The following CBX2 variants were observed in gnomAD, a reference collection of about 807,000 sequenced individuals.
CBX2 encodes chromobox protein homolog 2.
Under a neutral mutation model 21.0 loss-of-function variants are expected in CBX2, and 11 were observed. That is an observed-to-expected ratio of 0.52 (90% CI 0.33 to 0.87). CBX2 has a LOEUF of 0.87. Ranked by LOEUF, CBX2 falls within the 40% of genes least tolerant of loss-of-function variation. The pLI is 0.02. For missense variants in CBX2, 746 were observed against 724.3 expected (o/e 1.03, Z -0.34); for synonymous variants, 364 against 304.6 (o/e 1.19, Z -2.03).
At position 79,784,653 on chromosome 17, in the gene CBX2, A is replaced by G. The variant is rs371067953; in HGVS notation, c.1210A>G (p.Met404Val). ...SGLIGASGAT[M>V]PTDTSKSEKL... The stretch of plus-strand genomic sequence containing the variant: ...CCTCATTGGGGCCAGCGGGGCCACC[A>G]TGCCCACCGACACAAGCAAAAGTGA... The change falls in exon 5 of 5, where the codon ATG becomes GTG. Residue 404 changes from methionine to valine, a missense_variant. Coordinates refer to ENST00000310942, the MANE Select transcript of CBX2 (RefSeq NM_005189.3). The surrounding 1 kb of genome is among the most constrained non-coding windows in gnomAD (Gnocchi z 5.9). The G allele has an allele frequency of 4.3e-6, 7 of 1,612,378 alleles. No individual in the cohort carries two copies. The South Asian group carries it at 5.5e-5, about 13-fold the overall frequency.
intron 3 of CBX2, 78 bp downstream of exon 3, chr17:79,779,505 C>A: frequency 7.5e-7 from 1 of 1,336,476 alleles, no homozygotes; most frequent in Non-Finnish European, 1.1e-6. Context: ...CGCTGCTCGC[C>A]TGCCGGGAGG....
intron 4 of CBX2, among the ~76,000 whole-genome samples, chr17:79,782,688 G>T: frequency 6.6e-6 from 1 of 152,140 alleles, no homozygotes; most frequent in African/African-American, 2.4e-5. Context: ...GAGCAGGATT[G>T]TGGGGGCTGC....
At position 79,786,461 on chromosome 17, in the gene CBX2, C is replaced by A. The variant is rs908657489; in HGVS notation, c.*1419C>A. 3 of 152,444 alleles carry A rather than the reference C, an allele frequency of 2.0e-5. No homozygotes were observed. Among genetic ancestry groups the A allele is most frequent in the African/African-American group, 7.3e-5 (3 of 41,274 alleles). 9.4% of individuals were successfully genotyped at this position (152,444 alleles called of 1,614,324 possible). ...GATCTGTCAGCCTCGGCCCTGAGGCCCCTGTTAACTCAAGACTGTGAGCTG... is the reference window on the plus strand; with the variant it reads ...GATCTGTCAGCCTCGGCCCTGAGGCACCTGTTAACTCAAGACTGTGAGCTG... On this transcript the variant is annotated 3_prime_UTR_variant, in exon 5 of 5. Coordinates refer to ENST00000310942, the MANE Select transcript of CBX2 (RefSeq NM_005189.3).
At position 79,785,150 on chromosome 17, in the gene CBX2, G is replaced by A. The variant is rs1555831528; in HGVS notation, c.*108G>A. ...CCCCTCAAGAGTCTGGGTCGGGGGA[G>A]GAGGAGTGGGTGGCCTCCTTGATGG... On this transcript the variant is annotated 3_prime_UTR_variant, in exon 5 of 5. Transcript: ENST00000310942. 2.1e-6 allele frequency: 2 copies of A among 964,266 alleles called. No individual in the cohort carries two copies. Among genetic ancestry groups the A allele is most frequent in the East Asian group, 2.5e-5 (1 of 39,450 alleles). 59.7% of individuals were successfully genotyped at this position (964,266 alleles called of 1,614,324 possible).
Position 79,784,899 on chromosome 17 carries a change from T to A in CBX2, c.1456T>A (p.Ser486Thr). 1.2e-6 allele frequency: 2 copies of A among 1,613,444 alleles called. No homozygotes were observed. Among genetic ancestry groups the A allele is most frequent in the Non-Finnish European group, 1.7e-6 (2 of 1,180,026 alleles). ...PPSTGQNPSV[S>T]VQTSQDWKPT... ...CAGCACTGGACAGAACCCGTCAGTG[T>A]CCGTTCAGACCAGCCAGGACTGGAA... The change falls in exon 5 of 5, where the codon TCC becomes ACC. Residue 486 changes from serine to threonine, a missense_variant. By Grantham distance (58) the Ser-to-Thr change is moderately conservative. Around this residue, in one of 2 missense-constraint regions of CBX2, gnomAD observed 701 missense variants for 650.7 expected, o/e 1.08. Coordinates refer to ENST00000310942, the MANE Select transcript of CBX2 (RefSeq NM_005189.3). The surrounding 1 kb of genome is among the most constrained non-coding windows in gnomAD (Gnocchi z 5.9).
intron 4 of CBX2, 141 bp from the exon 5 acceptor site, chr17:79,783,591 G>C: frequency 2.7e-6 from 2 of 728,998 alleles, no homozygotes; most frequent in Non-Finnish European, 4.7e-6. Flanking sequence ...TGTATTTTTA[G>C]TAGAAACAGG....
chr17:79,780,495 G>A (rs1907097487), intron 3 of CBX2, among the ~76,000 whole-genome samples: 1 of 152,204 alleles, frequency 6.6e-6, no homozygotes, highest in Admixed American at 6.5e-5. Context: ...TGGGGTGGGG[G>A]AATGGCTTGG....
In CBX2 at chr17:79,784,805, A is replaced by G; in HGVS notation, c.1362A>G (p.Thr454=). 5.6e-6 allele frequency: 9 copies of G among 1,611,322 alleles called. No individual in the cohort carries two copies. Among genetic ancestry groups the G allele is most frequent in the Non-Finnish European group, 7.6e-6 (9 of 1,179,106 alleles). The change falls in exon 5 of 5, where the codon ACA becomes ACG. Residue 454 remains threonine (T), a synonymous_variant. Transcript: ENST00000310942. This position sits in a 1 kb window ranked among gnomAD's most constrained non-coding sequence, Gnocchi z 5.9. ...TAPGEARKAA[T]LPEMSAGEES... ...CCGGAGAAGCCCGCAAGGCGGCCAC[A>G]CTGCCAGAGATGAGCGCAGGTGAGG...
intron 3 of CBX2, among the ~76,000 whole-genome samples, chr17:79,780,061 C>T (rs1176005016): frequency 3.3e-5 from 5 of 152,232 alleles, no homozygotes; most frequent in Non-Finnish European, 1.5e-5. Flanking sequence ...AAGAGATAGG[C>T]CTCCTTGAGA....
intron 4 of CBX2, chr17:79,782,571 T>A (rs1033810061): frequency 4.4e-6 from 4 of 903,766 alleles, no homozygotes; most frequent in Non-Finnish European, 5.5e-6. Flanking sequence ...AGTCACTAAC[T>A]GAACCTGCCT....
In CBX2 at chr17:79,784,139, G is replaced by T. The variant is rs977152148; in HGVS notation, c.696G>T (p.Glu232Asp). The change falls in exon 5 of 5, where the codon GAG becomes GAT. Residue 232 changes from glutamate (E) to aspartate (D), a missense_variant. Physicochemically the swap from Glu to Asp is conservative, Grantham distance 45. Transcript: ENST00000310942. The surrounding 1 kb of genome is among the most constrained non-coding windows in gnomAD (Gnocchi z 5.9). The part of the protein sequence containing the change: ...CGGPSAMATP[E>D]NLASLMKGMA... The stretch of plus-strand genomic sequence containing the variant: ...GCCCCAGTGCCATGGCCACCCCAGA[G>T]AACCTGGCCAGCCTAATGAAGGGCA... The T allele has an allele frequency of 5.6e-6, 9 of 1,612,324 alleles. No individual in the cohort carries two copies. Among genetic ancestry groups the T allele is most frequent in the Non-Finnish European group, 6.8e-6 (8 of 1,179,714 alleles).
At chr17:79,781,405 C>T (rs1907189413) in intron 3 of CBX2, among the ~76,000 whole-genome samples, 1 of 152,128 alleles carries the variant, frequency 6.6e-6, no homozygotes, top group Non-Finnish European at 1.5e-5. Flanking sequence ...CAGCAGTGCA[C>T]CTGCAGGAAG....
At chr17:79,782,457 A>G (rs1217851115) in intron 4 of CBX2, 9 of 1,263,572 alleles carry the variant, frequency 7.1e-6, no homozygotes, top group South Asian at 1.6e-5. Context: ...CAGGTGAGGC[A>G]GGACAGGATG....
In CBX2 at chr17:79,784,746, G is replaced by T; in HGVS notation, c.1303G>T (p.Ala435Ser). The T allele has an allele frequency of 6.2e-7, 1 of 1,611,038 alleles. No individual in the cohort carries two copies. ...ASKRDCVKGS[A>S]TPSGQESRTA... ...CAAGAGGGACTGTGTCAAGGGCAGT[G>T]CTACCCCCAGTGGGCAGGAGAGCCG... is the stretch of plus-strand genomic sequence containing the variant. The change falls in exon 5 of 5, where the codon GCT becomes TCT. Residue 435 changes from alanine to serine, a missense_variant. Coordinates refer to ENST00000310942, the MANE Select transcript of CBX2 (RefSeq NM_005189.3). This position sits in a 1 kb window ranked among gnomAD's most constrained non-coding sequence, Gnocchi z 5.9.
At chr17:79,783,562 A>C (rs1907394193) in intron 4 of CBX2, among the ~76,000 whole-genome samples, 170 bp from the exon 5 acceptor site, 3 of 152,000 alleles carry the variant, frequency 2.0e-5, no homozygotes, top group Admixed American at 6.6e-5. Flanking sequence ...GGTGCGCGCC[A>C]CAACACCCGG....
chr17:79,783,035 C>A (rs568897249), intron 4 of CBX2, among the ~76,000 whole-genome samples: 1 of 152,154 alleles, frequency 6.6e-6, no homozygotes, highest in African/African-American at 2.4e-5. Context: ...CTACTTAATA[C>A]GACTTGTAAC....
At position 79,786,338 on chromosome 17, in the gene CBX2, C is replaced by T. The variant is rs1270042238; in HGVS notation, c.*1296C>T. The T allele has an allele frequency of 6.5e-6, 1 of 152,740 alleles. No homozygotes were observed. Among genetic ancestry groups the T allele is most frequent in the Non-Finnish European group, 1.5e-5 (1 of 68,088 alleles). 9.5% of individuals were successfully genotyped at this position (152,740 alleles called of 1,614,324 possible). On this transcript the variant is annotated 3_prime_UTR_variant, in exon 5 of 5. Transcript: ENST00000310942. ...AATCCCCATCACCTTTAGGGGTTCC[C>T]TGCTTGGCTCCTTTCCAGCTGAAAA...
At chr17:79,782,486 T>C in intron 4 of CBX2, 2 of 1,201,226 alleles carry the variant, frequency 1.7e-6, no homozygotes, top group Non-Finnish European at 2.1e-6. Flanking sequence ...GGGCCTGGCC[T>C]CAGTCCCGGG....
At chr17:79,783,330 G>C (rs1346563429) in intron 4 of CBX2, among the ~76,000 whole-genome samples, 1 of 152,154 alleles carries the variant, frequency 6.6e-6, no homozygotes, top group Non-Finnish European at 1.5e-5. Context: ...TGGCTGCAAG[G>C]TGCCCAGTGT....
Sources: allele counts gnomAD v4.1 joint callset (sites outside exome capture counted in the v4.1 genomes callset), GRCh38; gene constraint gnomAD v4.1.1; regional missense constraint gnomAD v4.1.1; non-coding constraint Gnocchi (gnomAD v3.1); transcripts MANE v1.5; gene names NCBI Gene and HGNC (gene_info 2026-07-23, HGNC 2026-07-21).